The following PTPN2 variants were observed in gnomAD, a reference collection of about 807,000 sequenced individuals.
PTPN2 encodes tyrosine-protein phosphatase non-receptor type 2.
In PTPN2, 19 loss-of-function variants were observed where a neutral mutation model predicts 57.3. The ratio of observed to expected loss-of-function variants is 0.33; its 90% CI spans 0.23 to 0.49. The LOEUF (loss-of-function observed/expected upper bound fraction) is 0.49. PTPN2 is among the 20% of genes least tolerant of loss of function. PTPN2 has a pLI of 0.99. For synonymous variants in PTPN2, 153 were observed against 164.9 expected (o/e 0.93, Z 0.55); for missense variants, 358 against 501.1 (o/e 0.71, Z 2.73).
chr18:12,840,738 T>C (rs760969262), intron 2 of PTPN2: 19 of 1,598,402 alleles, frequency 1.2e-5, no homozygotes, highest in South Asian at 5.5e-5. Context: ...CTGCATTCCA[T>C]GTCTCCCTGA....
At chr18:12,865,888 A>G (rs528913986) in intron 1 of PTPN2, among the ~76,000 whole-genome samples, 2 of 152,298 alleles carry the variant, frequency 1.3e-5, no homozygotes, top group East Asian at 3.9e-4. Flanking sequence ...TGCTGAACAA[A>G]GAGTTAACAT....
chr18:12,785,643 C>A (rs2040828993), exon 10 of PTPN2: 1 of 654,716 alleles, frequency 1.5e-6, no homozygotes, highest in South Asian at 1.7e-5. Flanking sequence ...TCTGCAAAGT[C>A]TTCTGCTGGT....
chr18:12,855,331 C>T (rs981666835), intron 2 of PTPN2, among the ~76,000 whole-genome samples: 1 of 151,904 alleles, frequency 6.6e-6, no homozygotes, highest in African/African-American at 2.4e-5. Flanking sequence ...GAGAGCGAAC[C>T]ATATTTATAC....
intron 2 of PTPN2, among the ~76,000 whole-genome samples, chr18:12,855,044 G>A (rs1042089764): frequency 6.6e-6 from 1 of 152,120 alleles, no homozygotes; most frequent in African/African-American, 2.4e-5. Context: ...CCAGCTACTC[G>A]GGAGGCTGAA....
At position 12,858,397 on chromosome 18, in the gene PTPN2, G is replaced by T. The variant is rs559176975; in HGVS notation, c.160+767C>A. On this transcript the variant is annotated intron_variant, in intron 2 of 8. Coordinates refer to ENST00000309660, the MANE Select transcript of PTPN2 (RefSeq NM_002828.4). Reference sequence around the variant, plus strand: ...AATCAGAACAAAAAATAAAATCACCGCATGATGATGAATACACCAAAGAAC... The same window carrying T: ...AATCAGAACAAAAAATAAAATCACCTCATGATGATGAATACACCAAAGAAC... 1.9e-4 allele frequency among the ~76,000 whole-genome samples: 29 copies of T among 152,214 alleles called. No homozygotes were observed. In the South Asian group the frequency reaches 5.8e-3, roughly 30 times the overall value.
At position 12,793,922 on chromosome 18, in the gene PTPN2, T is replaced by C. The variant is rs2145216812; in HGVS notation, c.*356A>G. On this transcript the variant is annotated 3_prime_UTR_variant, in exon 9 of 9. Transcript: ENST00000309660. ...CACAATATTTATTGCTTATATCAAGTGCAGGTTAAAATCCAGATAGCCTCC... is the reference window on the plus strand; with the variant it reads ...CACAATATTTATTGCTTATATCAAGCGCAGGTTAAAATCCAGATAGCCTCC... 8.9e-7 allele frequency: 1 copy of C among 1,119,236 alleles called. No individual in the cohort carries two copies. The highest frequency in any genetic ancestry group is 2.8e-5 in the South Asian group (1 of 36,016). The allele number at this position is 1,119,236 out of a possible 1,614,324, so 69.3% of individuals were successfully genotyped here. A position where few individuals can be genotyped will look rare whatever the true frequency, so the allele number is the denominator to read the frequency against.
chr18:12,805,406 G>A (rs543962634), intron 7 of PTPN2, among the ~76,000 whole-genome samples: 41 of 150,744 alleles, frequency 2.7e-4, no homozygotes, highest in African/African-American at 9.7e-4. Context: ...GCAGTGAGCC[G>A]AGATTGCACC....
intron 1 of PTPN2, among the ~76,000 whole-genome samples, chr18:12,868,044 A>C (rs1400579561): frequency 6.6e-6 from 1 of 152,180 alleles, no homozygotes; most frequent in African/African-American, 2.4e-5. Flanking sequence ...TACACTGTTC[A>C]CTATCAACTC....
chr18:12,826,625 G>C (rs2042470298), intron 4 of PTPN2, among the ~76,000 whole-genome samples: 1 of 152,086 alleles, frequency 6.6e-6, no homozygotes, highest in Non-Finnish European at 1.5e-5. Context: ...CTGGAATGCA[G>C]TGGCGTGATG....
chr18:12,848,269 T>C (rs2145435132), intron 2 of PTPN2, among the ~76,000 whole-genome samples: 1 of 152,340 alleles, frequency 6.6e-6, no homozygotes, highest in Non-Finnish European at 1.5e-5. Context: ...ATCAAAATGT[T>C]TCTTAATAAT....
intron 2 of PTPN2, 55 bp from the exon 3 acceptor site, chr18:12,836,946 C>T: frequency 1.9e-6 from 2 of 1,055,820 alleles, no homozygotes; most frequent in Non-Finnish European, 2.9e-6. Flanking sequence ...CTGTTTTTAT[C>T]TTCATATTAA....
At chr18:12,863,213 T>G (rs1344407556) in intron 1 of PTPN2, 2 of 152,114 alleles carry the variant, frequency 1.3e-5, no homozygotes, top group Non-Finnish European at 2.9e-5. Flanking sequence ...TCCTGGTGCT[T>G]TGGGAGGCCC....
intron 1 of PTPN2, among the ~76,000 whole-genome samples, chr18:12,874,718 C>T (rs1386747536): frequency 1.4e-5 from 2 of 139,780 alleles, no homozygotes; most frequent in South Asian, 4.8e-4. Context: ...AGCCGCCCCA[C>T]CCGGGAGGTG....
chr18:12,872,048 C>CAAA (rs61356876), intron 1 of PTPN2, among the ~76,000 whole-genome samples: 2 of 121,466 alleles, frequency 1.6e-5, no homozygotes, highest in East Asian at 2.1e-4. Flanking sequence ...GACTCTGTCT[C>CAAA]AAAAAAAAAA....
chr18:12,798,581 C>T (rs115109742), intron 8 of PTPN2, among the ~76,000 whole-genome samples: 2,495 of 152,306 alleles, frequency 0.016, 77 homozygotes, highest in African/African-American at 0.055. Flanking sequence ...CTACAAAGGA[C>T]ATGATCTCAT....
chr18:12,858,570 A>G (rs2145472405), intron 2 of PTPN2, among the ~76,000 whole-genome samples: 1 of 152,316 alleles, frequency 6.6e-6, no homozygotes, highest in Admixed American at 6.5e-5. Flanking sequence ...AATAAAAAAA[A>G]GTTTACAATG....
intron 2 of PTPN2, chr18:12,839,487 C>T (rs1179290386): frequency 1.3e-5 from 2 of 152,162 alleles, no homozygotes; most frequent in Non-Finnish European, 2.9e-5. Flanking sequence ...AGCCCCAAAG[C>T]CCACTATACT....
chr18:12,825,554 C>T lies in PTPN2; in HGVS notation c.495+256G>A, dbSNP rs77954025. ...TGATTCTAAAGCCCTCTCTATTAATCCTCATGTATTTCTATTAATTAATTT... is the reference window on the plus strand; with the variant it reads ...TGATTCTAAAGCCCTCTCTATTAATTCTCATGTATTTCTATTAATTAATTT... On this transcript the variant is annotated intron_variant, in intron 5 of 8. Coordinates refer to ENST00000309660, the MANE Select transcript of PTPN2 (RefSeq NM_002828.4). Among the ~76,000 whole-genome samples the T allele has an allele frequency of 4.4e-3, 674 of 152,070 alleles. 4 individuals are homozygous for T. Among genetic ancestry groups the T allele is most frequent in the African/African-American group, 0.016 (647 of 41,478 alleles).
In PTPN2 at chr18:12,815,083, CAAAAATAA is replaced by C. The variant is rs1419675054; in HGVS notation, c.706-736_706-729del. ...TGGGCGACAGAGCGAGACTCCATCT[CAAAAATAA>C]ATAAATAAATAAATAAATAAATAAA... On this transcript the variant is annotated intron_variant, in intron 6 of 8. Transcript: ENST00000309660. Among the ~76,000 whole-genome samples the C allele has an allele frequency of 2.7e-4, 32 of 117,454 alleles. 1 individual carries two copies. Among genetic ancestry groups the C allele is most frequent in the African/African-American group, 9.5e-4 (30 of 31,448 alleles). 77.1% of individuals were successfully genotyped at this position (117,454 alleles called of 152,430 possible).
Sources: allele counts gnomAD v4.1 joint callset (sites outside exome capture counted in the v4.1 genomes callset), GRCh38; gene constraint gnomAD v4.1.1; transcripts MANE v1.5; gene names NCBI Gene and HGNC (gene_info 2026-07-23, HGNC 2026-07-21).